Variants in KCNU1 observed in about 807,000 individuals in gnomAD.
KCNU1 encodes the protein potassium channel subfamily U member 1.
KCNU1 carries 93 observed loss-of-function variants against 126.8 expected under a neutral mutation model. The observed-to-expected ratio is 0.73, with a 90% confidence interval of 0.62 to 0.87. The LOEUF (loss-of-function observed/expected upper bound fraction) is 0.87, where lower values mean the gene tolerates loss of function less well. KCNU1 is among the 40% of genes least tolerant of loss of function. KCNU1 has a pLI of 0.00. For synonymous variants in KCNU1, 523 were observed against 494.2 expected (o/e 1.06, Z -0.77); for missense variants, 1,330 against 1,367.1 (o/e 0.97, Z 0.43).
At chr8:36,917,266 G>A (rs538666511) in intron 22 of KCNU1, among the ~76,000 whole-genome samples, 3 of 151,894 alleles carry the variant, frequency 2.0e-5, no homozygotes, top group African/African-American at 7.3e-5. Flanking sequence ...GTAAACAACA[G>A]TTGTAAGCAC....
At chr8:36,831,296 G>A (rs1352810360) in intron 10 of KCNU1, among the ~76,000 whole-genome samples, 7 of 152,070 alleles carry the variant, frequency 4.6e-5, no homozygotes, top group Non-Finnish European at 8.8e-5. Flanking sequence ...GTTGGGTCAA[G>A]TGGTATTTCT....
At chr8:36,916,558 CCCAAGTCTT>C (rs1039687522) in intron 22 of KCNU1, among the ~76,000 whole-genome samples, 1 of 152,046 alleles carries the variant, frequency 6.6e-6, no homozygotes, top group African/African-American at 2.4e-5. Flanking sequence ...CTTTAATTCC[CCCAAGTCTT>C]CCTGCATTAT....
At chr8:36,906,166 C>T (rs866723644) in intron 20 of KCNU1, among the ~76,000 whole-genome samples, 19 of 137,782 alleles carry the variant, frequency 1.4e-4, no homozygotes, top group African/African-American at 4.6e-4. Flanking sequence ...CTACTGTTTA[C>T]AAGGACTCTG....
intron 2 of KCNU1, among the ~76,000 whole-genome samples, chr8:36,788,483 A>T (rs1802790469): frequency 6.6e-6 from 1 of 152,232 alleles, no homozygotes; most frequent in Admixed American, 6.5e-5. Context: ...GTATGCTGCC[A>T]TCAGTTGGTC....
chr8:36,827,963 A>T (rs1035056940), intron 10 of KCNU1, among the ~76,000 whole-genome samples: 1 of 152,172 alleles, frequency 6.6e-6, no homozygotes, highest in Non-Finnish European at 1.5e-5. Flanking sequence ...ATGATTCTTC[A>T]TCAATTGTGA....
chr8:36,796,280 C>A (rs530972029), intron 2 of KCNU1, among the ~76,000 whole-genome samples: 9 of 152,204 alleles, frequency 5.9e-5, no homozygotes, highest in Non-Finnish European at 1.0e-4. Context: ...ATGATTTCTA[C>A]TTCACGGAAT....
Position 36,931,106 on chromosome 8 carries a change from G to A in KCNU1, c.2892G>A (p.Gly964=), listed in dbSNP as rs2117614382. Residue 964 remains glycine (G), a synonymous_variant, in exon 25 of 27, where the codon GGG becomes GGA. Transcript: ENST00000399881. The part of the protein sequence containing the change: ...LLSGRNRCKL[G]LLSLHETILS... ...CTGGAAGAAACCGGTGTAAGCTGGGGCTTCTGTCCTTACACGAAACCATTT... is the reference window on the plus strand; with the variant it reads ...CTGGAAGAAACCGGTGTAAGCTGGGACTTCTGTCCTTACACGAAACCATTT... 6.2e-7 allele frequency: 1 copy of A among 1,611,134 alleles called. No homozygotes were observed. Among genetic ancestry groups the A allele is most frequent in the African/African-American group, 1.3e-5 (1 of 74,880 alleles).
In KCNU1 at chr8:36,875,856, A is replaced by ACCTTCTTTCTAAAAAT. The variant is rs1453853924; in HGVS notation, c.2009+11338_2009+11353dup. On this transcript the variant is annotated intron_variant, in intron 19 of 26. Transcript: ENST00000399881. ...TAGGTATAAATATAAATATCCAGAG[A>ACCTTCTTTCTAAAAAT]CCTTCTTTCTAAAAATCCCTGGTTT... Among the ~76,000 whole-genome samples, 40 of 152,276 alleles carry ACCTTCTTTCTAAAAAT rather than the reference A, an allele frequency of 2.6e-4. 1 individual carries two copies. The highest frequency in any genetic ancestry group is 7.5e-4 in the African/African-American group (31 of 41,556).
chr8:36,805,393 A>G (rs1803460788), intron 4 of KCNU1, 108 bp downstream of exon 4: 4 of 695,148 alleles, frequency 5.8e-6, no homozygotes, highest in South Asian at 5.1e-5. Flanking sequence ...TCAACTCTAA[A>G]GATAGCTAAT....
chr8:36,846,230 T>A, intron 18 of KCNU1, among the ~76,000 whole-genome samples: 1 of 152,218 alleles, frequency 6.6e-6, no homozygotes, highest in East Asian at 1.9e-4. Context: ...TTTCATGATT[T>A]CACAGTTTTT....
At chr8:36,899,756 G>A (rs577206226) in intron 19 of KCNU1, among the ~76,000 whole-genome samples, 1 of 152,210 alleles carries the variant, frequency 6.6e-6, no homozygotes, top group African/African-American at 2.4e-5. Flanking sequence ...AATAAACACA[G>A]AGGTGTAGAA....
At chr8:36,915,375 T>C (rs1202192687) in intron 22 of KCNU1, among the ~76,000 whole-genome samples, 1 of 152,216 alleles carries the variant, frequency 6.6e-6, no homozygotes, top group African/African-American at 2.4e-5. Flanking sequence ...CCTTGTGATC[T>C]TGGGCATGGT....
At chr8:36,934,651 G>T (rs538010787) in intron 26 of KCNU1, among the ~76,000 whole-genome samples, 7 of 152,258 alleles carry the variant, frequency 4.6e-5, no homozygotes, top group African/African-American at 1.7e-4. Flanking sequence ...AGAGGACTCA[G>T]TGGGAAAAAT....
intron 20 of KCNU1, among the ~76,000 whole-genome samples, chr8:36,907,178 A>C (rs1175859587): frequency 6.6e-6 from 1 of 152,140 alleles, no homozygotes; most frequent in Non-Finnish European, 1.5e-5. Context: ...AAATATCTGG[A>C]TTGCAAAATT....
In KCNU1 at chr8:36,935,723, T is replaced by C; in HGVS notation, c.3253T>C (p.Leu1085=). Residue 1085 remains leucine (L), a synonymous_variant, in exon 27 of 27, where the codon TTG becomes CTG. Transcript: ENST00000399881. The stretch of plus-strand genomic sequence containing the variant: ...CACCATTGATTCAGTTACTGAGACA[T>C]TGTATTCACCAGTCTATTCTTACCA... The part of the protein sequence containing the change: ...PPTIDSVTET[L]YSPVYSYQPR... 6.2e-7 allele frequency: 1 copy of C among 1,612,958 alleles called. No homozygotes were observed. The highest frequency in any genetic ancestry group is 8.5e-7 in the Non-Finnish European group (1 of 1,179,072).
intron 19 of KCNU1, among the ~76,000 whole-genome samples, chr8:36,905,460 CAA>C (rs200274541): frequency 2.0e-4 from 29 of 145,304 alleles, no homozygotes; most frequent in African/African-American, 4.0e-4. Flanking sequence ...TAATCTAAGG[CAA>C]AAAAAAAAAA....
chr8:36,856,363 T>C (rs1357013281), intron 18 of KCNU1, among the ~76,000 whole-genome samples: 1 of 152,224 alleles, frequency 6.6e-6, no homozygotes, highest in African/African-American at 2.4e-5. Flanking sequence ...TTACTTTGCA[T>C]GTCTCATATT....
Position 36,925,180 on chromosome 8 carries a change from T to C in KCNU1, c.2736+2551T>C, listed in dbSNP as rs1808492970. ...TTGCTGGAAAACAAAATGTGCTATA[T>C]AGAGAATAAAGGCCACATAGTGTGA... On this transcript the variant is annotated intron_variant, in intron 24 of 26. Coordinates refer to ENST00000399881, the MANE Select transcript of KCNU1 (RefSeq NM_001031836.3). Among the ~76,000 whole-genome samples, 3 of 152,096 alleles carry C rather than the reference T, an allele frequency of 2.0e-5. No individual in the cohort carries two copies. In the South Asian group the frequency reaches 6.2e-4, roughly 32 times the overall value.
intron 10 of KCNU1, among the ~76,000 whole-genome samples, chr8:36,832,154 G>A (rs907288996): frequency 4.6e-5 from 7 of 152,160 alleles, no homozygotes; most frequent in Non-Finnish European, 1.0e-4. Context: ...TGCTGTTTTG[G>A]TTACTGTAGC....
Sources: allele counts gnomAD v4.1 joint callset (sites outside exome capture counted in the v4.1 genomes callset), GRCh38; gene constraint gnomAD v4.1.1; transcripts MANE v1.5; gene names NCBI Gene and HGNC (gene_info 2026-07-23, HGNC 2026-07-21).